The following CUL1 variants were observed in gnomAD, a reference collection of about 807,000 sequenced individuals.
The protein encoded by CUL1 is cullin-1.
Under a neutral mutation model 118.0 loss-of-function variants are expected in CUL1, and 24 were observed. The ratio of observed to expected loss-of-function variants is 0.20; its 90% CI spans 0.15 to 0.29. CUL1 has a LOEUF of 0.29. Among genes scored for constraint, CUL1 ranks in the 10% least tolerant of loss-of-function variants. The probability of loss-of-function intolerance (pLI) is 1.00; values close to 1 mark genes in which losing one functional copy is unlikely to be tolerated. For synonymous variants in CUL1, 332 were observed against 340.4 expected (o/e 0.98, Z 0.27); for missense variants, 361 against 933.8 (o/e 0.39, Z 7.99).
intron 2 of CUL1, among the ~76,000 whole-genome samples, chr7:148,740,054 A>G (rs1584781366): frequency 7.1e-6 from 1 of 139,978 alleles, no homozygotes; most frequent in African/African-American, 2.5e-5. Context: ...AATTTTTTTA[A>G]TGGCTTTTTT....
intron 1 of CUL1, among the ~76,000 whole-genome samples, chr7:148,701,175 A>C (rs913603055): frequency 4.4e-5 from 6 of 135,952 alleles, no homozygotes; most frequent in African/African-American, 1.5e-4. Flanking sequence ...TTCTGGAATA[A>C]TTCTAACTTA....
chr7:148,779,078 C>T (rs984647909), intron 9 of CUL1, among the ~76,000 whole-genome samples: 4 of 152,154 alleles, frequency 2.6e-5, no homozygotes, highest in Non-Finnish European at 5.9e-5. Flanking sequence ...ATGCCATATT[C>T]GGTTTACCTT....
At chr7:148,712,001 C>T (rs1018321827) in intron 1 of CUL1, among the ~76,000 whole-genome samples, 4 of 152,172 alleles carry the variant, frequency 2.6e-5, no homozygotes, top group Non-Finnish European at 4.4e-5. Flanking sequence ...TGGCCTTCCA[C>T]GCTTAGTGGC....
chr7:148,742,827 C>T (rs941561840), intron 2 of CUL1, among the ~76,000 whole-genome samples: 1 of 152,126 alleles, frequency 6.6e-6, no homozygotes, highest in African/African-American at 2.4e-5. Flanking sequence ...TAGTCTCAAA[C>T]TCCTGACCTC....
chr7:148,771,654 TGCACTGGG>T (rs1180294520), intron 9 of CUL1, among the ~76,000 whole-genome samples: 2 of 152,212 alleles, frequency 1.3e-5, no homozygotes, highest in Middle Eastern at 3.2e-3. Context: ...ATTAGCCTAT[TGCACTGGG>T]GCACCAGGAG....
chr7:148,759,477 T>G, intron 5 of CUL1, 71 bp from the exon 6 acceptor site: 1 of 1,371,362 alleles, frequency 7.3e-7, no homozygotes. Flanking sequence ...GCTGTGAATG[T>G]TTAAGGGATA....
Position 148,797,841 on chromosome 7 carries a change from A to G in CUL1, c.1929A>G (p.Leu643=). The change falls in exon 18 of 22, where the codon TTA becomes TTG. Residue 643 remains leucine, a synonymous_variant. Transcript: ENST00000325222. ...MDILAQVLQI[L]LKSKLLVLED... ...TTTTGGCGCAAGTTTTACAGATTTT[A>G]TTAAAGTCGAAGCTATTGGTAGGTT... 6.2e-7 allele frequency: 1 copy of G among 1,612,994 alleles called. No individual in the cohort carries two copies. Among genetic ancestry groups the G allele is most frequent in the Non-Finnish European group, 8.5e-7 (1 of 1,179,728 alleles).
At chr7:148,749,415 C>CAAAAAAAAAA (rs61460309) in intron 2 of CUL1, among the ~76,000 whole-genome samples, 25 of 56,362 alleles carry the variant, frequency 4.4e-4, no homozygotes, top group East Asian at 1.6e-3. Flanking sequence ...GACTCCATCT[C>CAAAAAAAAAA]AAAAAAAAAA....
At chr7:148,776,299 TAACCAGGC>T (rs1563166093) in intron 9 of CUL1, among the ~76,000 whole-genome samples, 11 of 128,340 alleles carry the variant, frequency 8.6e-5, no homozygotes, top group African/African-American at 2.6e-4. Flanking sequence ...GAGTCTAACA[TAACCAGGC>T]TTTTTTTTTT....
chr7:148,776,263 C>T (rs1187980152), intron 9 of CUL1, among the ~76,000 whole-genome samples: 2 of 137,656 alleles, frequency 1.5e-5, no homozygotes, highest in African/African-American at 2.7e-5. Context: ...TTTCCCTAAA[C>T]GAAAATGTAC....
In CUL1 at chr7:148,766,577, T is replaced by G. The variant is rs368571591; in HGVS notation, c.806T>G (p.Leu269Arg). 1 of 1,608,842 alleles carries G rather than the reference T, an allele frequency of 6.2e-7. No homozygotes were observed. Among genetic ancestry groups the G allele is most frequent in the Non-Finnish European group, 8.5e-7 (1 of 1,178,396 alleles). ...TTTCTCCAGGCAGAGGCTCGTCTGC[T>G]TGAGGAACAACGAAGAGTTCAGGTT... ...EYMKKAEARLLEEQRRVQVYL... is the reference protein window; with the variant it reads ...EYMKKAEARLREEQRRVQVYL... The change falls in exon 8 of 22, where the codon CTT becomes CGT. Residue 269 changes from leucine (L) to arginine (R), a missense_variant. Around this residue, in one of 7 missense-constraint regions of CUL1, gnomAD observed 169 missense variants for 429.7 expected, o/e 0.39. Transcript: ENST00000325222.
rs201701521 is a variant in CUL1, at chr7:148,797,788, T to G, written c.1900-24T>G. The stretch of plus-strand genomic sequence containing the variant: ...AGAAAAATGCATTTTCCCTTTAACT[T>G]CCTCTTTTTCTCTTTAATTGCAGGA... On this transcript the variant is annotated intron_variant, in intron 17 of 21. Coordinates refer to ENST00000325222, the MANE Select transcript of CUL1 (RefSeq NM_003592.3). 7.5e-5 allele frequency: 120 copies of G among 1,603,440 alleles called. No homozygotes were observed. In the East Asian group the frequency reaches 2.6e-3, roughly 34 times the overall value.
intron 11 of CUL1, among the ~76,000 whole-genome samples, chr7:148,785,945 G>A (rs772096346): frequency 1.3e-5 from 2 of 152,134 alleles, no homozygotes; most frequent in Admixed American, 6.5e-5. Context: ...TGGCTGATTC[G>A]TTTTATATGA....
chr7:148,741,548 C>T (rs1799138463), intron 2 of CUL1, among the ~76,000 whole-genome samples: 1 of 152,214 alleles, frequency 6.6e-6, no homozygotes, highest in African/African-American at 2.4e-5. Context: ...AAGCGATTCT[C>T]CTGCCTCAGC....
chr7:148,792,857 G>A (rs377002636), intron 17 of CUL1, 39 bp downstream of exon 17: 130 of 1,440,158 alleles, frequency 9.0e-5, no homozygotes, highest in African/African-American at 7.8e-4. Flanking sequence ...TCAGCTTGCC[G>A]TTTCCTTGTT....
intron 9 of CUL1, among the ~76,000 whole-genome samples, chr7:148,770,790 A>C (rs889500777): frequency 2.0e-5 from 3 of 152,260 alleles, no homozygotes; most frequent in African/African-American, 7.2e-5. Flanking sequence ...CACAGCTGCT[A>C]AAAAACAAAT....
At chr7:148,760,178 G>A (rs867342692) in intron 6 of CUL1, among the ~76,000 whole-genome samples, 155 bp from the exon 7 acceptor site, 1 of 151,996 alleles carries the variant, frequency 6.6e-6, no homozygotes, top group Non-Finnish European at 1.5e-5. Context: ...TTGAAAGAGT[G>A]TACTTTAATA....
chr7:148,742,208 A>G (rs576436307), intron 2 of CUL1, among the ~76,000 whole-genome samples: 1 of 152,328 alleles, frequency 6.6e-6, no homozygotes, highest in African/African-American at 2.4e-5. Flanking sequence ...GTCTGTTCTC[A>G]TACAGCTAAT....
chr7:148,777,725 G>A lies in CUL1; in HGVS notation c.1084-6058G>A, dbSNP rs1800451700. 2.0e-5 allele frequency among the ~76,000 whole-genome samples: 3 copies of A among 152,100 alleles called. No homozygotes were observed. The East Asian group carries it at 5.8e-4, about 29-fold the overall frequency. ...TAGACCAATAGAGGCTTTGGGGGAG[G>A]AGCATTTTCTTGCTGGCATTGTTTA... On this transcript the variant is annotated intron_variant, in intron 9 of 21. Transcript: ENST00000325222.
Sources: gnomAD v4.1 joint callset for allele counts (sites outside exome capture counted in the v4.1 genomes callset) on GRCh38, gnomAD v4.1.1 for gene constraint, gnomAD v4.1.1 regional missense constraint, MANE v1.5 for transcripts, NCBI Gene and HGNC (gene_info 2026-07-23, HGNC 2026-07-21) for gene names.